Variants in SYCP1 observed in about 807,000 individuals in gnomAD.
SYCP1 encodes the protein cancer/testis antigen 8.
A neutral mutation model predicts 153.1 loss-of-function variants in SYCP1; 64 were observed. That is an observed-to-expected ratio of 0.42 (90% CI 0.34 to 0.51). SYCP1 has a LOEUF of 0.51. SYCP1 is among the 20% of genes least tolerant of loss of function. The probability of loss-of-function intolerance (pLI) is 0.06; values close to 1 mark genes in which losing one functional copy is unlikely to be tolerated. For synonymous variants in SYCP1, 384 were observed against 341.8 expected (o/e 1.12, Z -1.36); for missense variants, 997 against 1,049.0 (o/e 0.95, Z 0.68).
At chr1:114,899,519 C>T (rs765376123) in intron 16 of SYCP1, among the ~76,000 whole-genome samples, 25 of 152,112 alleles carry the variant, frequency 1.6e-4, no homozygotes, top group Non-Finnish European at 2.5e-4. Context: ...GAGCACCTGT[C>T]AAAGTTCTAT....
intron 27 of SYCP1, among the ~76,000 whole-genome samples, chr1:114,948,370 C>T (rs184523060): frequency 9.2e-5 from 14 of 152,182 alleles, no homozygotes; most frequent in African/African-American, 3.1e-4. Context: ...TTCAGGATTA[C>T]GTAGTAAGAG....
At chr1:114,927,897 C>T (rs186149072) in intron 23 of SYCP1, among the ~76,000 whole-genome samples, 12 of 152,134 alleles carry the variant, frequency 7.9e-5, no homozygotes, top group African/African-American at 2.4e-4. Context: ...CACAGCTCAC[C>T]GCAGCCTCGA....
At chr1:114,944,109 G>T (rs1426023747) in intron 23 of SYCP1, among the ~76,000 whole-genome samples, 2 of 151,670 alleles carry the variant, frequency 1.3e-5, no homozygotes, top group Non-Finnish European at 3.0e-5. Flanking sequence ...AAATGCATGG[G>T]TGTTTATTTT....
chr1:114,917,069 G>T (rs989764147), intron 20 of SYCP1, among the ~76,000 whole-genome samples: 3 of 151,406 alleles, frequency 2.0e-5, no homozygotes, highest in African/African-American at 7.3e-5. Flanking sequence ...TCACCTTGTT[G>T]TGCTATTAAA....
At chr1:114,983,703 G>A (rs1673317237) in intron 29 of SYCP1, among the ~76,000 whole-genome samples, 1 of 151,940 alleles carries the variant, frequency 6.6e-6, no homozygotes, top group South Asian at 2.1e-4. Context: ...GTTTCCTAAA[G>A]AGGTTTAGCC....
intron 21 of SYCP1, 76 bp downstream of exon 21, chr1:114,923,606 T>C (rs368013224): frequency 8.8e-6 from 12 of 1,357,448 alleles, no homozygotes; most frequent in Middle Eastern, 2.6e-4. Flanking sequence ...TAAACTAAAA[T>C]AAAGGGAAGT....
At chr1:114,876,194 T>C (rs1665519479) in intron 10 of SYCP1, 56 bp downstream of exon 10, 2 of 1,256,882 alleles carry the variant, frequency 1.6e-6, no homozygotes, top group African/African-American at 3.0e-5. Context: ...TTTATATTTT[T>C]ATCAGATTCC....
intron 25 of SYCP1, among the ~76,000 whole-genome samples, chr1:114,945,419 T>C (rs567074651): frequency 6.6e-6 from 1 of 152,142 alleles, no homozygotes; most frequent in Non-Finnish European, 1.5e-5. Flanking sequence ...TTTTAATTGT[T>C]GTTTTAGAGT....
At chr1:114,858,863 G>A (rs1445091652) in intron 6 of SYCP1, 152 bp downstream of exon 6, 1 of 672,334 alleles carries the variant, frequency 1.5e-6, no homozygotes, top group East Asian at 2.6e-5. Context: ...ATCAATACTG[G>A]ATACATTTTA....
intron 12 of SYCP1, among the ~76,000 whole-genome samples, chr1:114,884,443 TG>T (rs1473046286): frequency 2.0e-5 from 3 of 152,234 alleles, no homozygotes; most frequent in African/African-American, 7.2e-5. Flanking sequence ...AAACTTTTTC[TG>T]TCTCCCTGTA....
At chr1:114,966,292 C>CTTTGTTA (rs1672123476) in intron 27 of SYCP1, among the ~76,000 whole-genome samples, 3 of 151,922 alleles carry the variant, frequency 2.0e-5, no homozygotes, top group African/African-American at 7.3e-5. Flanking sequence ...TTCAAAAAAC[C>CTTTGTTA]AGCTCCTAGA....
chr1:114,979,313 T>C (rs1673001288), intron 28 of SYCP1, among the ~76,000 whole-genome samples: 1 of 151,802 alleles, frequency 6.6e-6, no homozygotes, highest in Non-Finnish European at 1.5e-5. Context: ...TTAAATGAGA[T>C]GGTATTTGTA....
chr1:114,911,403 A>C (rs1668167288), intron 17 of SYCP1, 76 bp from the exon 18 acceptor site: 1 of 1,185,038 alleles, frequency 8.4e-7, no homozygotes, highest in African/African-American at 1.6e-5. Flanking sequence ...ATATGACTTA[A>C]TTACACAGTG....
intron 30 of SYCP1, among the ~76,000 whole-genome samples, chr1:114,989,709 T>G (rs1343181816): frequency 6.6e-6 from 1 of 151,952 alleles, no homozygotes; most frequent in Non-Finnish European, 1.5e-5. Context: ...AGCTGAAGTG[T>G]CTATACTACT....
intron 16 of SYCP1, among the ~76,000 whole-genome samples, chr1:114,903,652 A>T (rs1667622269): frequency 6.6e-6 from 1 of 152,162 alleles, no homozygotes; most frequent in Non-Finnish European, 1.5e-5. Context: ...TTTAGCAGGG[A>T]GTGACTTGAT....
intron 15 of SYCP1, among the ~76,000 whole-genome samples, chr1:114,891,154 A>G (rs1296370810): frequency 2.0e-5 from 3 of 151,882 alleles, no homozygotes; most frequent in African/African-American, 7.3e-5. Flanking sequence ...CCTTGATGGT[A>G]TTTTCTTAGA....
At chr1:114,886,027 TG>T in intron 13 of SYCP1, 97 bp from the exon 14 acceptor site, 1 of 713,352 alleles carries the variant, frequency 1.4e-6, no homozygotes, top group Non-Finnish European at 2.2e-6. Context: ...AATATGAGGG[TG>T]GGAAAGGGGC....
At chr1:114,994,384 G>C (rs1215954749) in intron 30 of SYCP1, among the ~76,000 whole-genome samples, 2 of 151,398 alleles carry the variant, frequency 1.3e-5, no homozygotes, top group African/African-American at 4.8e-5. Flanking sequence ...AACTGAAATA[G>C]AAATCAGTAG....
At chr1:114,864,805 C>T (rs1342590636) in intron 8 of SYCP1, among the ~76,000 whole-genome samples, 1 of 152,022 alleles carries the variant, frequency 6.6e-6, no homozygotes, top group Non-Finnish European at 1.5e-5. Flanking sequence ...TTCTTCTAAC[C>T]TCTCTTCCAG....
Sources: allele counts gnomAD v4.1 joint callset (sites outside exome capture counted in the v4.1 genomes callset), GRCh38; gene constraint gnomAD v4.1.1; transcripts MANE v1.5; gene names NCBI Gene and HGNC (gene_info 2026-07-23, HGNC 2026-07-21).